Variants in GALNTL6 observed in about 807,000 individuals in gnomAD.
GALNTL6 encodes polypeptide N-acetylgalactosaminyltransferase-like 6.
A neutral mutation model predicts 73.7 loss-of-function variants in GALNTL6; 46 were observed. That is an observed-to-expected ratio of 0.62 (90% confidence interval 0.49 to 0.80). GALNTL6 has a LOEUF of 0.80. GALNTL6 is among the 30% of genes least tolerant of loss of function. The probability of loss-of-function intolerance (pLI) is 0.00; values close to 1 mark genes in which losing one functional copy is unlikely to be tolerated. For missense variants in GALNTL6, 604 were observed against 755.0 expected, an observed-to-expected ratio of 0.80 and a Z score of 2.34; for synonymous variants, 259 against 263.7, an observed-to-expected ratio of 0.98 and a Z score of 0.17.
At chr4:172,484,142 T>A (rs1159294961) in intron 5 of GALNTL6, among the ~76,000 whole-genome samples, 1 of 152,200 alleles carries the variant, frequency 6.6e-6, no homozygotes, top group Non-Finnish European at 1.5e-5. Flanking sequence ...TCATATTACT[T>A]AGCTTAATAA....
chr4:172,046,353 G>A (rs1039399921), intron 2 of GALNTL6, among the ~76,000 whole-genome samples: 11 of 152,120 alleles, frequency 7.2e-5, no homozygotes, highest in South Asian at 2.1e-4. Flanking sequence ...TGTGCACAAC[G>A]TACAGGTTTG....
At chr4:172,539,671 C>T (rs1264977711) in intron 5 of GALNTL6, among the ~76,000 whole-genome samples, 1 of 151,822 alleles carries the variant, frequency 6.6e-6, no homozygotes, top group Admixed American at 6.6e-5. Context: ...GAAATCAGAC[C>T]TTTCAATCTC....
intron 8 of GALNTL6, among the ~76,000 whole-genome samples, chr4:172,914,969 C>T (rs1262455807): frequency 1.3e-5 from 2 of 152,208 alleles, no homozygotes; most frequent in African/African-American, 4.8e-5. Flanking sequence ...CCACATCGCA[C>T]TTATTTCAAA....
chr4:172,915,091 A>C (rs1747431192), intron 8 of GALNTL6, among the ~76,000 whole-genome samples: 1 of 152,248 alleles, frequency 6.6e-6, no homozygotes, highest in Non-Finnish European at 1.5e-5. Context: ...CAGGATTAAG[A>C]AACTCACTCA....
At chr4:172,156,949 T>C (rs181718262) in intron 2 of GALNTL6, among the ~76,000 whole-genome samples, 9 of 152,290 alleles carry the variant, frequency 5.9e-5, no homozygotes, top group Non-Finnish European at 1.3e-4. Flanking sequence ...TGTAATCAGC[T>C]GGAGAGAGTA....
intron 7 of GALNTL6, among the ~76,000 whole-genome samples, chr4:172,869,420 G>A (rs746134751): frequency 6.6e-5 from 10 of 152,068 alleles, no homozygotes; most frequent in African/African-American, 1.2e-4. Context: ...CAAGGGAGCC[G>A]GAGAAAAAGA....
intron 5 of GALNTL6, among the ~76,000 whole-genome samples, chr4:172,801,695 G>A (rs924684553): frequency 1.3e-5 from 2 of 152,164 alleles, no homozygotes; most frequent in African/African-American, 2.4e-5. Context: ...AAGACTTGGT[G>A]TTTTGTTTCT....
At chr4:172,894,545 G>A (rs1461404704) in intron 8 of GALNTL6, among the ~76,000 whole-genome samples, 1 of 152,134 alleles carries the variant, frequency 6.6e-6, no homozygotes. Flanking sequence ...ATTTTGGTCA[G>A]ACATGATTTC....
intron 5 of GALNTL6, among the ~76,000 whole-genome samples, chr4:172,626,391 C>T (rs1739172274): frequency 6.6e-6 from 1 of 151,990 alleles, no homozygotes; most frequent in Non-Finnish European, 1.5e-5. Flanking sequence ...TGTTTTTAAC[C>T]ATGCTGTTTT....
intron 5 of GALNTL6, among the ~76,000 whole-genome samples, chr4:172,631,118 GT>G (rs1175418754): frequency 2.0e-5 from 3 of 149,940 alleles, no homozygotes; most frequent in Non-Finnish European, 3.0e-5. Context: ...ACACAGGGTT[GT>G]TTTTTTTTAA....
At chr4:172,291,721 G>A (rs897929517) in intron 3 of GALNTL6, among the ~76,000 whole-genome samples, 3 of 150,616 alleles carry the variant, frequency 2.0e-5, no homozygotes, top group African/African-American at 7.3e-5. Flanking sequence ...CGCTTATCCC[G>A]CCACCCCCCT....
intron 10 of GALNTL6, among the ~76,000 whole-genome samples, chr4:172,955,857 A>C (rs1343581946): frequency 6.6e-6 from 1 of 152,004 alleles, no homozygotes; most frequent in Non-Finnish European, 1.5e-5. Context: ...TGGGGGTCAC[A>C]AGGTGCTCAG....
intron 5 of GALNTL6, among the ~76,000 whole-genome samples, chr4:172,678,710 A>T (rs1039043627): frequency 1.3e-5 from 2 of 152,256 alleles, no homozygotes; most frequent in Non-Finnish European, 2.9e-5. Context: ...TTCTTTGTGG[A>T]CATAGAAAAA....
chr4:172,309,915 T>A (rs2111141068), intron 3 of GALNTL6, among the ~76,000 whole-genome samples: 1 of 151,904 alleles, frequency 6.6e-6, no homozygotes, highest in African/African-American at 2.4e-5. Context: ...AGAATGAAAA[T>A]TGTATAAAAC....
At chr4:172,831,907 G>A (rs10866366) in intron 7 of GALNTL6, among the ~76,000 whole-genome samples, 104,028 of 152,124 alleles carry the variant, frequency 0.68, 39,546 homozygotes, top group Non-Finnish European at 0.87. Flanking sequence ...CCCCAGAACC[G>A]GACTGTGCTG....
At chr4:172,469,701 A>G (rs951238094) in intron 5 of GALNTL6, among the ~76,000 whole-genome samples, 1 of 152,226 alleles carries the variant, frequency 6.6e-6, no homozygotes, top group Non-Finnish European at 1.5e-5. Context: ...TATCCTAAGG[A>G]AGTCAGCATT....
chr4:172,782,561 G>T (rs1739425967), intron 5 of GALNTL6, among the ~76,000 whole-genome samples: 1 of 152,126 alleles, frequency 6.6e-6, no homozygotes, highest in Non-Finnish European at 1.5e-5. Context: ...AGGCACTTCA[G>T]ATCGGGGCTT....
chr4:172,868,420 T>C (rs539530624), intron 7 of GALNTL6, among the ~76,000 whole-genome samples: 1 of 152,304 alleles, frequency 6.6e-6, no homozygotes, highest in Non-Finnish European at 1.5e-5. Context: ...GAATACACGA[T>C]ATAAAAATCT....
chr4:171,959,892 A>C (rs1739171139), intron 2 of GALNTL6, among the ~76,000 whole-genome samples: 1 of 152,250 alleles, frequency 6.6e-6, no homozygotes, highest in Admixed American at 6.5e-5. Context: ...CCATTTTAGA[A>C]GACCTTCATA....
Sources: allele counts gnomAD v4.1 joint callset (sites outside exome capture counted in the v4.1 genomes callset), GRCh38; gene constraint gnomAD v4.1.1; transcripts MANE v1.5; gene names NCBI Gene and HGNC (gene_info 2026-07-23, HGNC 2026-07-21).